SLC1A5: variants seen among roughly 807,000 people sequenced by gnomAD.
SLC1A5 encodes solute carrier family 1 member 5.
Under a neutral mutation model 34.9 loss-of-function variants are expected in SLC1A5, and 25 were observed. The ratio of observed to expected loss-of-function variants is 0.72; its 90% CI spans 0.52 to 1.00. SLC1A5 has a LOEUF of 1.00. Among genes scored for constraint, SLC1A5 ranks in the 50% least tolerant of loss-of-function variants. SLC1A5 has a pLI of 0.00. For synonymous variants in SLC1A5, 351 were observed against 341.2 expected, an observed-to-expected ratio of 1.03 and a Z score of -0.32; for missense variants, 637 against 740.0, an observed-to-expected ratio of 0.86 and a Z score of 1.61.
At position 46,775,291 on chromosome 19, in the gene SLC1A5, A is replaced by G. The variant is rs1380674556; in HGVS notation, c.*219T>C. ...TGTTTTCTAGCCTTGAGTTGGGGAC[A>G]TGAGTGAGAACTGGGGGTTTTGAGG... On this transcript the variant is annotated 3_prime_UTR_variant, in exon 8 of 8. Transcript: ENST00000542575. 3 of 1,312,018 alleles carry G rather than the reference A, an allele frequency of 2.3e-6. No individual in the cohort carries two copies. Among genetic ancestry groups the G allele is most frequent in the Admixed American group, 3.5e-5 (1 of 28,860 alleles). The allele number at this position is 1,312,018 out of a possible 1,614,324, so 81.3% of individuals were successfully genotyped here. A position where few individuals can be genotyped will look rare whatever the true frequency, so the allele number is the denominator to read the frequency against.
At position 46,775,353 on chromosome 19, in the gene SLC1A5, G is replaced by A; in HGVS notation, c.*157C>T. The A allele has an allele frequency of 6.1e-6, 9 of 1,477,700 alleles. No individual in the cohort carries two copies. Among genetic ancestry groups the A allele is most frequent in the Non-Finnish European group, 8.1e-6 (9 of 1,116,822 alleles). 91.5% of individuals were successfully genotyped at this position (1,477,700 alleles called of 1,614,324 possible). On this transcript the variant is annotated 3_prime_UTR_variant, in exon 8 of 8. Transcript: ENST00000542575. Reference sequence around the variant, plus strand: ...TGAACACATGTACTCCAGCAGCCAGGCATCCCAGATCTCCTGTCCTGGAGG... The same window carrying A: ...TGAACACATGTACTCCAGCAGCCAGACATCCCAGATCTCCTGTCCTGGAGG...
intron 7 of SLC1A5, among the ~76,000 whole-genome samples, chr19:46,775,994 T>C (rs2055085435): frequency 6.6e-6 from 1 of 151,508 alleles, no homozygotes; most frequent in Admixed American, 6.6e-5. Context: ...GGCAGGAGGA[T>C]CGCTGGAGCC....
chr19:46,786,922 G>A (rs1179159459), intron 1 of SLC1A5, among the ~76,000 whole-genome samples: 1 of 152,164 alleles, frequency 6.6e-6, no homozygotes, highest in East Asian at 1.9e-4. Flanking sequence ...CGAGTGACAC[G>A]TGGTGTGGGG....
In SLC1A5 at chr19:46,787,762, C is replaced by T. The variant is rs2055197468; in HGVS notation, c.204G>A (p.Leu68=). Residue 68 remains leucine (L), a synonymous_variant, in exon 1 of 8, where the codon CTG becomes CTA. Coordinates refer to ENST00000542575, the MANE Select transcript of SLC1A5 (RefSeq NM_005628.3). This position sits in a 1 kb window ranked among gnomAD's most constrained non-coding sequence, Gnocchi z 5.2. ...CCCCGGCCCCCGACACCCCCAGTCC[C>T]AGCGCCACGCCGGCCACCACGGCCA... The part of the protein sequence containing the change: ...TVVAVVAGVA[L]GLGVSGAGGA... The T allele has an allele frequency of 6.4e-7, 1 of 1,550,986 alleles. No homozygotes were observed. The highest frequency in any genetic ancestry group is 1.4e-5 in the African/African-American group (1 of 73,530).
chr19:46,783,889 T>G (rs1015024398), intron 3 of SLC1A5, among the ~76,000 whole-genome samples: 19 of 146,122 alleles, frequency 1.3e-4, no homozygotes, highest in African/African-American at 2.6e-4. Flanking sequence ...GGTTGGGGGG[T>G]GAGGGAGAAA....
chr19:46,782,640 C>G, intron 3 of SLC1A5, 91 bp from the exon 4 acceptor site: 9 of 1,482,234 alleles, frequency 6.1e-6, no homozygotes, highest in Non-Finnish European at 8.3e-6. Flanking sequence ...TGGGACCCAG[C>G]AGAGACAAGG....
chr19:46,777,309 G>C lies in SLC1A5; in HGVS notation c.1155C>G (p.Val385=). 1.2e-6 allele frequency: 2 copies of C among 1,613,850 alleles called. No homozygotes were observed. The highest frequency in any genetic ancestry group is 1.7e-6 in the Non-Finnish European group (2 of 1,179,992). ...SRFILPIGAT[V]NMDGAALFQC... is the part of the protein sequence containing the mutation. ...GGAAGAGCGCGGCACCGTCCATGTT[G>C]ACGGTGGCGCCGATGGGCAGGATGA... The change falls in exon 6 of 8, where the codon GTC becomes GTG. Residue 385 remains valine (V), a synonymous_variant. Coordinates refer to ENST00000542575, the MANE Select transcript of SLC1A5 (RefSeq NM_005628.3).
Position 46,787,364 on chromosome 19 carries a change from C to A in SLC1A5, c.566+36G>T. 1 of 1,562,670 alleles carries A rather than the reference C, an allele frequency of 6.4e-7. No individual in the cohort carries two copies. Among genetic ancestry groups the A allele is most frequent in the Non-Finnish European group, 8.7e-7 (1 of 1,154,338 alleles). On this transcript the variant is annotated intron_variant, in intron 1 of 7. Coordinates refer to ENST00000542575, the MANE Select transcript of SLC1A5 (RefSeq NM_005628.3). The surrounding 1 kb of genome is among the most constrained non-coding windows in gnomAD (Gnocchi z 5.2). ...ACGTGACCACTCCCGCCATCCGTAA[C>A]ACTCTTCCCCACCTCCCGGGGGAGC...
chr19:46,782,338 A>ACCCGGCCC, intron 4 of SLC1A5, 45 bp downstream of exon 4: 1 of 1,009,384 alleles, frequency 9.9e-7, no homozygotes. Flanking sequence ...CAGCAGACCG[A>ACCCGGCCC]CCCTCCAACC....
At chr19:46,784,960 G>A in intron 1 of SLC1A5, 2 of 1,038,830 alleles carry the variant, frequency 1.9e-6, no homozygotes, top group East Asian at 4.5e-5. Context: ...GTATGGGGGA[G>A]GATCTGGGTG....
Position 46,776,803 on chromosome 19 carries a change from A to G in SLC1A5, c.1388+172T>C, listed in dbSNP as rs1287503737. 4.4e-6 allele frequency: 3 copies of G among 682,282 alleles called. No homozygotes were observed. In the African/African-American group the frequency reaches 5.4e-5, roughly 12 times the overall value. 42.3% of individuals were successfully genotyped at this position (682,282 alleles called of 1,614,324 possible). On this transcript the variant is annotated intron_variant, in intron 7 of 7. Transcript: ENST00000542575. ...CTTTTCTGACATCCCTCTTAGAGCCACAAAGATGCCATTCCTTGCCCTCAG... is the reference window on the plus strand; with the variant it reads ...CTTTTCTGACATCCCTCTTAGAGCCGCAAAGATGCCATTCCTTGCCCTCAG...
Position 46,787,168 on chromosome 19 carries a change from C to T in SLC1A5, c.566+232G>A. ...GTCTCCCCAAATCACTTTCTTCTCC[C>T]TCTATAAGACCCCACTTATGTACCC... On this transcript the variant is annotated intron_variant, in intron 1 of 7. Coordinates refer to ENST00000542575, the MANE Select transcript of SLC1A5 (RefSeq NM_005628.3). The surrounding 1 kb of genome is among the most constrained non-coding windows in gnomAD (Gnocchi z 5.2). 7.8e-7 allele frequency: 1 copy of T among 1,276,628 alleles called. No individual in the cohort carries two copies. The highest frequency in any genetic ancestry group is 2.9e-5 in the East Asian group (1 of 34,134). 79.1% of individuals were successfully genotyped at this position (1,276,628 alleles called of 1,614,324 possible). A position where few individuals can be genotyped will look rare whatever the true frequency, so the allele number is the denominator to read the frequency against.
intron 1 of SLC1A5, chr19:46,784,761 C>T: frequency 1.4e-6 from 2 of 1,456,970 alleles, no homozygotes; most frequent in Non-Finnish European, 1.8e-6. Context: ...GAGTCAGCCT[C>T]CTTCAGCCCC....
At chr19:46,776,894 A>G in intron 7 of SLC1A5, 81 bp downstream of exon 7, 1 of 1,419,494 alleles carries the variant, frequency 7.0e-7, no homozygotes, top group Non-Finnish European at 9.7e-7. Context: ...TTCTGTCCAG[A>G]GGCTCTAAGG....
At chr19:46,786,213 T>C (rs1469875613) in intron 1 of SLC1A5, among the ~76,000 whole-genome samples, 4 of 152,192 alleles carry the variant, frequency 2.6e-5, no homozygotes, top group African/African-American at 9.7e-5. Context: ...AGTGAGCGTG[T>C]GTATGACCGC....
rs111361229 is a variant in SLC1A5 at position 46,783,181 on chromosome 19, G to A, written c.658-632C>T. On this transcript the variant is annotated intron_variant, in intron 3 of 7. Coordinates refer to ENST00000542575, the MANE Select transcript of SLC1A5 (RefSeq NM_005628.3). ...ACATTTGTGTTTTGAAAAGATCCTC[G>A]GGCGGAGCACGGTGGCTCACGCCTG... Among the ~76,000 whole-genome samples, 649 of 152,256 alleles carry A rather than the reference G, an allele frequency of 4.3e-3. 6 individuals carry two copies. The highest frequency in any genetic ancestry group is 0.015 in the African/African-American group (618 of 41,550).
chr19:46,775,561 C>T lies in SLC1A5; in HGVS notation c.1575G>A (p.Arg525=), dbSNP rs145265988. 6.6e-5 allele frequency: 107 copies of T among 1,613,966 alleles called. No individual in the cohort carries two copies. Among genetic ancestry groups the T allele is most frequent in the Non-Finnish European group, 8.5e-5 (100 of 1,179,994 alleles). The part of the protein sequence containing the change: ...EEGNPLLKHY[R]GPAGDATVAS... ...CGACCGTGGCATCCCCTGCGGGCCC[C>T]CGATAGTGTTTGAGGAGGGGGTTTC... The change falls in exon 8 of 8, where the codon CGG becomes CGA. Residue 525 remains arginine (R), a synonymous_variant. Transcript: ENST00000542575.
At position 46,787,617 on chromosome 19, in the gene SLC1A5, C is replaced by T. The variant is rs1274336628; in HGVS notation, c.349G>A (p.Ala117Thr). 9 of 1,563,300 alleles carry T rather than the reference C, an allele frequency of 5.8e-6. No homozygotes were observed. The highest frequency in any genetic ancestry group is 6.0e-6 in the Non-Finnish European group (7 of 1,157,080). The change falls in exon 1 of 8, where the codon GCC becomes ACC. Residue 117 changes from alanine to threonine, a missense_variant. Transcript: ENST00000542575. The surrounding 1 kb of genome is among the most constrained non-coding windows in gnomAD (Gnocchi z 5.2). ...LVVCSLIGGA[A>T]SLDPGALGRL... ...CCGAGCGCGCCGGGGTCCAGGCTGG[C>T]GGCGCCGCCGATCAAGCTGCACACC...
In SLC1A5 at chr19:46,775,390, C is replaced by T. The variant is rs1353329925; in HGVS notation, c.*120G>A. 2 of 1,509,890 alleles carry T rather than the reference C, an allele frequency of 1.3e-6. No homozygotes were observed. The highest frequency in any genetic ancestry group is 1.8e-6 in the Non-Finnish European group (2 of 1,132,094). The allele number at this position is 1,509,890 out of a possible 1,614,324, so 93.5% of individuals were successfully genotyped here. A position where few individuals can be genotyped will look rare whatever the true frequency, so the allele number is the denominator to read the frequency against. On this transcript the variant is annotated 3_prime_UTR_variant, in exon 8 of 8. Transcript: ENST00000542575. ...TCCTGTCCTGGAGGGTGCTGGGGCC[C>T]CTGGCTCCCCAGAGTGTGCAGGCAG...
Sources: gnomAD v4.1 joint callset for allele counts (sites outside exome capture counted in the v4.1 genomes callset) on GRCh38, gnomAD v4.1.1 for gene constraint, Gnocchi (gnomAD v3.1) non-coding constraint, MANE v1.5 for transcripts, NCBI Gene and HGNC (gene_info 2026-07-23, HGNC 2026-07-21) for gene names.